Variants in CC2D2B observed in about 807,000 individuals in gnomAD.
CC2D2B encodes coiled-coil and C2 domain containing 2B, also known as protein CC2D2B.
CC2D2B carries 128 observed loss-of-function variants against 161.2 expected under a neutral mutation model. That is an observed-to-expected ratio of 0.79 (90% CI 0.69 to 0.92). The LOEUF is 0.92. Ranked by LOEUF, CC2D2B falls within the 40% of genes least tolerant of loss-of-function variation. The pLI is 0.00. For synonymous variants in CC2D2B, 391 were observed against 449.8 expected (o/e 0.87, Z 1.65); for missense variants, 1,173 against 1,375.1 (o/e 0.85, Z 2.32).
rs1224278486 is a variant in CC2D2B at position 96,032,065 on chromosome 10, C to G, written c.*57C>G. ...TATAGTCCTCTAGTACCAACAAAAA[C>G]TTTTCTGGTACCTTGAGATTTTGCT... On this transcript the variant is annotated 3_prime_UTR_variant, in exon 35 of 35. Transcript: ENST00000646931. 3.8e-6 allele frequency: 5 copies of G among 1,331,616 alleles called. No individual in the cohort carries two copies. Among genetic ancestry groups the G allele is most frequent in the Non-Finnish European group, 5.2e-6 (5 of 964,222 alleles). 82.5% of individuals were successfully genotyped at this position (1,331,616 alleles called of 1,614,324 possible).
At chr10:96,000,082 C>A in intron 24 of CC2D2B, 1 of 1,488,132 alleles carries the variant, frequency 6.7e-7, no homozygotes, top group Non-Finnish European at 9.0e-7. Flanking sequence ...CGTGGTAACA[C>A]CTGTGGGCAT....
At chr10:95,962,700 A>G (rs1304681677) in intron 12 of CC2D2B, among the ~76,000 whole-genome samples, 1 of 150,956 alleles carries the variant, frequency 6.6e-6, no homozygotes, top group East Asian at 1.9e-4. Flanking sequence ...ATGAAAGGTT[A>G]GTATAATTTC....
intron 9 of CC2D2B, among the ~76,000 whole-genome samples, chr10:95,942,333 CCATT>C (rs1263909111): frequency 2.6e-5 from 4 of 152,030 alleles, no homozygotes; most frequent in African/African-American, 4.8e-5. Context: ...AAAAATAGGA[CCATT>C]CAGATTTTAT....
chr10:96,003,675 C>G (rs1183687286), intron 24 of CC2D2B, among the ~76,000 whole-genome samples: 1 of 151,264 alleles, frequency 6.6e-6, no homozygotes, highest in Non-Finnish European at 1.5e-5. Flanking sequence ...AGGCTTGCCT[C>G]GAACTCCTGA....
chr10:96,014,318 A>C (rs1013861826), intron 29 of CC2D2B, among the ~76,000 whole-genome samples: 9 of 152,212 alleles, frequency 5.9e-5, no homozygotes, highest in African/African-American at 2.2e-4. Flanking sequence ...AATAAAATAC[A>C]GGCCCCATGC....
Position 96,019,696 on chromosome 10 carries a change from T to G in CC2D2B, c.3766-6T>G. Reference sequence around the variant, plus strand: ...CTACACTAATGTTATATTAATGTTTTCATAGGTCTGGTTTAATATTCAACA... The same window carrying G: ...CTACACTAATGTTATATTAATGTTTGCATAGGTCTGGTTTAATATTCAACA... On this transcript the variant is annotated splice_polypyrimidine_tract_variant and splice_region_variant and intron_variant, in intron 31 of 34. Transcript: ENST00000646931. 2 of 1,569,794 alleles carry G rather than the reference T, an allele frequency of 1.3e-6. No individual in the cohort carries two copies. Among genetic ancestry groups the G allele is most frequent in the South Asian group, 2.4e-5 (2 of 83,242 alleles).
intron 18 of CC2D2B, among the ~76,000 whole-genome samples, chr10:95,982,722 A>T (rs2077574649): frequency 6.6e-6 from 1 of 151,008 alleles, no homozygotes; most frequent in South Asian, 2.1e-4. Context: ...AACTCTTATG[A>T]CTCTAATTTC....
chr10:95,918,978 A>G (rs1294123005), intron 2 of CC2D2B: 1 of 151,718 alleles, frequency 6.6e-6, no homozygotes, highest in Non-Finnish European at 1.5e-5. Context: ...AATTATTTCT[A>G]TCTCTTTGTT....
chr10:95,926,822 G>GTGTGTGTC (rs1554828952), intron 5 of CC2D2B, among the ~76,000 whole-genome samples: 2 of 128,752 alleles, frequency 1.6e-5, no homozygotes, highest in East Asian at 4.0e-4. Flanking sequence ...GGCAGTGTGT[G>GTGTGTGTC]TGTGTGTGTG....
chr10:95,990,981 T>C (rs1445521410), intron 20 of CC2D2B, among the ~76,000 whole-genome samples: 1 of 152,198 alleles, frequency 6.6e-6, no homozygotes, highest in African/African-American at 2.4e-5. Flanking sequence ...TCCTTGGGTT[T>C]GTAGATCAAG....
At chr10:95,938,243 A>C (rs1339704323) in intron 7 of CC2D2B, 54 bp downstream of exon 7, 1 of 1,117,684 alleles carries the variant, frequency 8.9e-7, no homozygotes, top group African/African-American at 1.6e-5. Flanking sequence ...ATGTTATGGG[A>C]TAATAGCTTT....
chr10:95,916,325 A>G (rs2098516290), intron 2 of CC2D2B, among the ~76,000 whole-genome samples: 1 of 151,540 alleles, frequency 6.6e-6, no homozygotes, highest in Admixed American at 6.6e-5. Context: ...TGATTTGTCA[A>G]TTTTGTTTAA....
intron 28 of CC2D2B, 89 bp downstream of exon 28, chr10:96,012,818 C>A: frequency 1.3e-6 from 1 of 792,140 alleles, no homozygotes; most frequent in Non-Finnish European, 2.1e-6. Flanking sequence ...TGGGTTCAAT[C>A]TAGTGAGTTG....
At chr10:95,934,641 G>A (rs1471099538) in intron 6 of CC2D2B, among the ~76,000 whole-genome samples, 3 of 152,066 alleles carry the variant, frequency 2.0e-5, no homozygotes, top group African/African-American at 7.2e-5. Context: ...GCTAGGGGAG[G>A]GAGTTCCCCA....
chr10:95,909,809 T>C (rs2098502820), intron 1 of CC2D2B, among the ~76,000 whole-genome samples: 2 of 152,220 alleles, frequency 1.3e-5, no homozygotes, highest in Admixed American at 1.3e-4. Context: ...AAGTCTGTGC[T>C]GATTCAGGGA....
At chr10:96,016,562 T>G (rs2079207494) in intron 30 of CC2D2B, among the ~76,000 whole-genome samples, 1 of 152,206 alleles carries the variant, frequency 6.6e-6, no homozygotes, top group Non-Finnish European at 1.5e-5. Flanking sequence ...ATAGGGTTAC[T>G]GGGAATATTA....
intron 12 of CC2D2B, among the ~76,000 whole-genome samples, chr10:95,963,323 A>G (rs1267100804): frequency 6.6e-6 from 1 of 152,152 alleles, no homozygotes; most frequent in Non-Finnish European, 1.5e-5. Flanking sequence ...TGTGAGCCCT[A>G]ACTGAATAAA....
rs377510848 is a variant in CC2D2B at position 95,926,099 on chromosome 10, C to T, written c.241-1138C>T. 4.2e-3 allele frequency among the ~76,000 whole-genome samples: 633 copies of T among 151,808 alleles called. 3 individuals are homozygous for T. Among genetic ancestry groups the T allele is most frequent in the South Asian group, 0.013 (64 of 4,818 alleles). On this transcript the variant is annotated intron_variant, in intron 5 of 34. Transcript: ENST00000646931. ...TATTTTAATTAAATGTAAAGGTAAA[C>T]GCAGACTAAAAAGTGATGTTTATGT... is the stretch of plus-strand genomic sequence containing the variant.
chr10:96,003,284 C>A (rs1002327812), intron 24 of CC2D2B, among the ~76,000 whole-genome samples: 1 of 151,930 alleles, frequency 6.6e-6, no homozygotes, highest in Non-Finnish European at 1.5e-5. Context: ...ATATACACTA[C>A]CCTTTCAACT....
Sources: allele counts gnomAD v4.1 joint callset (sites outside exome capture counted in the v4.1 genomes callset), GRCh38; gene constraint gnomAD v4.1.1; transcripts MANE v1.5; gene names NCBI Gene and HGNC (gene_info 2026-07-23, HGNC 2026-07-21).